The following ZBTB38 variants were observed in gnomAD, a reference collection of about 807,000 sequenced individuals.
ZBTB38 encodes the protein zinc finger and BTB domain containing 38, also known as zinc finger and BTB domain-containing protein 38.
In ZBTB38, 20 loss-of-function variants were observed where a neutral mutation model predicts 76.8. The ratio of observed to expected loss-of-function variants is 0.26; its 90% confidence interval spans 0.18 to 0.38. ZBTB38 has a LOEUF of 0.38. Ranked by LOEUF, ZBTB38 falls within the 10% of genes least tolerant of loss-of-function variation. ZBTB38 has a pLI of 1.00. For missense variants in ZBTB38, 1,082 were observed against 1,482.3 expected, an observed-to-expected ratio of 0.73 and a Z score of 4.43; for synonymous variants, 504 against 544.2, an observed-to-expected ratio of 0.93 and a Z score of 1.03.
intron 2 of ZBTB38, among the ~76,000 whole-genome samples, chr3:141,374,062 G>A (rs747165365): frequency 2.6e-5 from 4 of 151,964 alleles, no homozygotes; most frequent in Admixed American, 2.6e-4. Context: ...CCCAGGAGGC[G>A]GAGGTTGTGG....
At chr3:141,432,855 AC>A (rs1334777055) in intron 5 of ZBTB38, among the ~76,000 whole-genome samples, 1 of 152,254 alleles carries the variant, frequency 6.6e-6, no homozygotes, top group Non-Finnish European at 1.5e-5. Flanking sequence ...GTGAACCAAT[AC>A]TTAAAAGCAA....
intron 2 of ZBTB38, among the ~76,000 whole-genome samples, chr3:141,373,825 T>C (rs1331660097): frequency 2.0e-5 from 3 of 152,192 alleles, no homozygotes; most frequent in Admixed American, 6.5e-5. Flanking sequence ...GAAAAGTGCA[T>C]GTCAAGGTAA....
At chr3:141,414,878 CTG>C (rs944208760) in intron 5 of ZBTB38, among the ~76,000 whole-genome samples, 5 of 152,126 alleles carry the variant, frequency 3.3e-5, no homozygotes, top group African/African-American at 1.2e-4. Context: ...CTCTCTGCCT[CTG>C]TTGACACTTT....
rs933990365 is a variant in ZBTB38 at position 141,447,165 on chromosome 3, A to T, written c.*1189A>T. 1 of 152,584 alleles carries T rather than the reference A, an allele frequency of 6.6e-6. No homozygotes were observed. Among genetic ancestry groups the T allele is most frequent in the Non-Finnish European group, 1.5e-5 (1 of 68,074 alleles). The allele number at this position is 152,584 out of a possible 1,614,324, so 9.5% of individuals were successfully genotyped here. Reference sequence around the variant, plus strand: ...GTACAGACTAGTATAAAGCAAAAGGACAAAGGAACCCCCACCCTCCACCCC... The same window carrying T: ...GTACAGACTAGTATAAAGCAAAAGGTCAAAGGAACCCCCACCCTCCACCCC... On this transcript the variant is annotated 3_prime_UTR_variant, in exon 6 of 6. Coordinates refer to ENST00000321464, the MANE Select transcript of ZBTB38 (RefSeq NM_001376113.1).
At position 141,449,645 on chromosome 3, in the gene ZBTB38, A is replaced by G. The variant is rs1334854740; in HGVS notation, c.*3669A>G. ...TACCGGTGGCTGGCCAGTAGCATCA[A>G]TTTTGTATTGGAAGGGCAATCCAAA... On this transcript the variant is annotated 3_prime_UTR_variant, in exon 6 of 6. Coordinates refer to ENST00000321464, the MANE Select transcript of ZBTB38 (RefSeq NM_001376113.1). The G allele has an allele frequency of 6.6e-6, 1 of 152,198 alleles. No homozygotes were observed. Among genetic ancestry groups the G allele is most frequent in the South Asian group, 2.1e-4 (1 of 4,828 alleles). 9.4% of individuals were successfully genotyped at this position (152,198 alleles called of 1,614,324 possible).
At chr3:141,344,168 G>T (rs78803496) in intron 1 of ZBTB38, among the ~76,000 whole-genome samples, 4,663 of 152,220 alleles carry the variant, frequency 0.031, 149 homozygotes, top group East Asian at 0.11. Flanking sequence ...CCGAAAACTT[G>T]GTGGCTTAAC....
At chr3:141,358,925 G>C (rs1323309756) in intron 1 of ZBTB38, among the ~76,000 whole-genome samples, 1 of 152,168 alleles carries the variant, frequency 6.6e-6, no homozygotes, top group Non-Finnish European at 1.5e-5. Context: ...TAGAGAGAAG[G>C]GACTGGATTC....
At chr3:141,441,546 G>T (rs1476837085) in intron 5 of ZBTB38, among the ~76,000 whole-genome samples, 2 of 152,180 alleles carry the variant, frequency 1.3e-5, no homozygotes, top group Admixed American at 6.5e-5. Context: ...GGCCAATAGC[G>T]CAGAGAGGCG....
intron 2 of ZBTB38, among the ~76,000 whole-genome samples, chr3:141,374,835 T>A (rs1236333074): frequency 6.6e-6 from 1 of 152,216 alleles, no homozygotes; most frequent in Non-Finnish European, 1.5e-5. Flanking sequence ...TGTTCTACTA[T>A]TTTTAAAGTT....
chr3:141,401,477 T>C (rs925541327), intron 4 of ZBTB38, among the ~76,000 whole-genome samples: 23 of 152,194 alleles, frequency 1.5e-4, no homozygotes, highest in African/African-American at 5.5e-4. Context: ...ATATTTAATA[T>C]TGGAATCTAT....
At chr3:141,333,936 A>C (rs535744787) in intron 1 of ZBTB38, among the ~76,000 whole-genome samples, 95 of 152,262 alleles carry the variant, frequency 6.2e-4, no homozygotes, top group African/African-American at 2.0e-3. Flanking sequence ...ACAACATGGA[A>C]AGTCAGAAAA....
chr3:141,373,064 C>T (rs1000472379), intron 2 of ZBTB38, among the ~76,000 whole-genome samples: 1 of 152,152 alleles, frequency 6.6e-6, no homozygotes, highest in Non-Finnish European at 1.5e-5. Context: ...ACTGTCAACA[C>T]TTTGTGTTTG....
intron 1 of ZBTB38, among the ~76,000 whole-genome samples, chr3:141,332,973 C>A (rs1209021072): frequency 2.0e-5 from 3 of 152,112 alleles, no homozygotes; most frequent in Admixed American, 6.6e-5. Context: ...GAAAAAAATA[C>A]CTGTCCTGTA....
At chr3:141,404,366 A>T (rs1407429468) in intron 5 of ZBTB38, among the ~76,000 whole-genome samples, 1 of 151,908 alleles carries the variant, frequency 6.6e-6, no homozygotes, top group Non-Finnish European at 1.5e-5. Context: ...AGTTTAAATG[A>T]CTCTTCAGGG....
chr3:141,383,924 T>A (rs985927859), intron 3 of ZBTB38, among the ~76,000 whole-genome samples: 2 of 152,234 alleles, frequency 1.3e-5, no homozygotes, highest in African/African-American at 4.8e-5. Flanking sequence ...GCAATTTTTT[T>A]AAATCATAAG....
At chr3:141,434,976 T>A (rs1274597356) in intron 5 of ZBTB38, among the ~76,000 whole-genome samples, 1 of 151,696 alleles carries the variant, frequency 6.6e-6, no homozygotes, top group East Asian at 1.9e-4. Context: ...TAATAAAAAA[T>A]TTAGAAATTA....
chr3:141,448,050 T>C lies in ZBTB38; in HGVS notation c.*2074T>C, dbSNP rs918115062. The C allele has an allele frequency of 1.7e-4, 26 of 152,672 alleles. No homozygotes were observed. The highest frequency in any genetic ancestry group is 6.0e-4 in the African/African-American group (25 of 41,472). 9.5% of individuals were successfully genotyped at this position (152,672 alleles called of 1,614,324 possible). A position where few individuals can be genotyped will look rare whatever the true frequency, so the allele number is the denominator to read the frequency against. On this transcript the variant is annotated 3_prime_UTR_variant, in exon 6 of 6. Transcript: ENST00000321464. Reference sequence around the variant, plus strand: ...CATTTTTGAATTGATAATTAGAATATTGAATAAGCAATCCTATGATCCACT... The same window carrying C: ...CATTTTTGAATTGATAATTAGAATACTGAATAAGCAATCCTATGATCCACT...
At chr3:141,426,104 T>C (rs551459664) in intron 5 of ZBTB38, 5 of 1,283,682 alleles carry the variant, frequency 3.9e-6, no homozygotes, top group African/African-American at 1.5e-5. Context: ...TATGGGCATG[T>C]CACTTTAAAG....
chr3:141,399,481 T>C (rs542990759), intron 4 of ZBTB38, among the ~76,000 whole-genome samples: 5 of 152,126 alleles, frequency 3.3e-5, no homozygotes, highest in Non-Finnish European at 4.4e-5. Context: ...AAGAATGTAG[T>C]AGAGATGAGA....
Sources: gnomAD v4.1 joint callset for allele counts (sites outside exome capture counted in the v4.1 genomes callset) on GRCh38, gnomAD v4.1.1 for gene constraint, MANE v1.5 for transcripts, NCBI Gene and HGNC (gene_info 2026-07-23, HGNC 2026-07-21) for gene names.